SLC12A2: variants seen among roughly 807,000 people sequenced by gnomAD.
SLC12A2 encodes the protein solute carrier family 12 member 2.
A neutral mutation model predicts 136.3 loss-of-function variants in SLC12A2; 67 were observed. That is an observed-to-expected ratio of 0.49 (90% CI 0.40 to 0.60). The LOEUF (loss-of-function observed/expected upper bound fraction) is 0.60. SLC12A2 is among the 20% of genes least tolerant of loss of function. The pLI is 0.00. For missense variants in SLC12A2, 1,322 were observed against 1,534.7 expected (o/e 0.86, Z 2.32); for synonymous variants, 619 against 562.9 (o/e 1.10, Z -1.41).
chr5:128,159,356 T>A (rs1196001855), intron 16 of SLC12A2, among the ~76,000 whole-genome samples: 1 of 152,156 alleles, frequency 6.6e-6, no homozygotes, highest in Non-Finnish European at 1.5e-5. Flanking sequence ...ACAGACTTCA[T>A]GACTAAAACA....
intron 4 of SLC12A2, among the ~76,000 whole-genome samples, chr5:128,125,617 A>G (rs1326419002): frequency 6.6e-6 from 1 of 150,782 alleles, no homozygotes; most frequent in African/African-American, 2.4e-5. Context: ...CATTTTTATC[A>G]TTTTCTTAAT....
intron 1 of SLC12A2, among the ~76,000 whole-genome samples, chr5:128,087,353 A>G (rs1333651979): frequency 6.6e-6 from 1 of 152,240 alleles, no homozygotes; most frequent in Non-Finnish European, 1.5e-5. Context: ...GACAGACATT[A>G]ACAAAGTAGT....
At chr5:128,114,904 G>GAAT (rs1414287683) in intron 4 of SLC12A2, among the ~76,000 whole-genome samples, 2 of 152,140 alleles carry the variant, frequency 1.3e-5, no homozygotes, top group Admixed American at 1.3e-4. Context: ...CTCGTAGCAA[G>GAAT]AATGGAGCAT....
At chr5:128,165,048 G>A (rs1032347302) in intron 17 of SLC12A2, among the ~76,000 whole-genome samples, 1 of 151,876 alleles carries the variant, frequency 6.6e-6, no homozygotes, top group Non-Finnish European at 1.5e-5. Context: ...TCACCATGTT[G>A]CTCAGGCTGG....
chr5:128,110,151 A>G (rs1761089976), intron 1 of SLC12A2: 2 of 859,464 alleles, frequency 2.3e-6, no homozygotes, highest in Admixed American at 1.7e-5. Flanking sequence ...TTCTTTGACT[A>G]GAAAGGTGAA....
chr5:128,170,468 C>T (rs1042641633), intron 18 of SLC12A2: 1 of 152,102 alleles, frequency 6.6e-6, no homozygotes, highest in African/African-American at 2.4e-5. Context: ...CACATTCTTC[C>T]ATTTGTCAGT....
chr5:128,110,217 AAAAG>A (rs1336557787), intron 1 of SLC12A2: 2 of 809,614 alleles, frequency 2.5e-6, no homozygotes, highest in Admixed American at 1.7e-5. Flanking sequence ...GCTTTGGAAA[AAAAG>A]AAATCCAATT....
At chr5:128,121,611 T>G (rs957950262) in intron 4 of SLC12A2, among the ~76,000 whole-genome samples, 3 of 152,100 alleles carry the variant, frequency 2.0e-5, no homozygotes, top group East Asian at 1.9e-4. Context: ...CTTGAGACAC[T>G]GCGCCCGGCT....
intron 1 of SLC12A2, among the ~76,000 whole-genome samples, chr5:128,104,733 T>C (rs957413998): frequency 9.9e-5 from 15 of 151,858 alleles, no homozygotes; most frequent in Admixed American, 5.9e-4. Context: ...TTCTGGACAC[T>C]ATAGCAATTC....
intron 11 of SLC12A2, among the ~76,000 whole-genome samples, 156 bp downstream of exon 11, chr5:128,147,885 T>C (rs1022434730): frequency 3.5e-5 from 5 of 143,970 alleles, no homozygotes; most frequent in Non-Finnish European, 6.0e-5. Context: ...TAGTTAATTT[T>C]ATATGTGTGA....
intron 1 of SLC12A2, among the ~76,000 whole-genome samples, chr5:128,098,688 G>A (rs1760634251): frequency 6.6e-6 from 1 of 151,750 alleles, no homozygotes; most frequent in East Asian, 1.9e-4. Flanking sequence ...TCAAACTGCA[G>A]ACTTTCCACC....
rs549500877 is a variant in SLC12A2 at position 128,114,462 on chromosome 5, G to C, written c.953-124G>C. On this transcript the variant is annotated intron_variant, in intron 3 of 26. Transcript: ENST00000262461. Reference sequence around the variant, plus strand: ...TTCTGATTTGGTTTTTATAAAATGAGATCAAAATTGGGTAATTTATAACTT... The same window carrying C: ...TTCTGATTTGGTTTTTATAAAATGACATCAAAATTGGGTAATTTATAACTT... The C allele has an allele frequency of 9.7e-6, 8 of 823,666 alleles. No individual in the cohort carries two copies. The African/African-American group carries it at 1.4e-4, about 14-fold the overall frequency. 51.0% of individuals were successfully genotyped at this position (823,666 alleles called of 1,614,324 possible). A position where few individuals can be genotyped will look rare whatever the true frequency, so the allele number is the denominator to read the frequency against.
chr5:128,109,500 G>T, intron 1 of SLC12A2: 1 of 563,696 alleles, frequency 1.8e-6, no homozygotes, highest in Admixed American at 2.5e-5. Context: ...TTAGCATTTT[G>T]CTGCTTTATT....
intron 1 of SLC12A2, chr5:128,111,131 T>TA (rs1761128372): frequency 2.4e-6 from 1 of 422,440 alleles, no homozygotes; most frequent in Non-Finnish European, 4.4e-6. Context: ...CGTTTCTACT[T>TA]ATGCAGTATT....
At chr5:128,099,511 A>G (rs1263410338) in intron 1 of SLC12A2, among the ~76,000 whole-genome samples, 5 of 152,176 alleles carry the variant, frequency 3.3e-5, no homozygotes, top group Admixed American at 6.5e-5. Context: ...ATATTTTTCA[A>G]TAATAAATTA....
chr5:128,135,590 G>T (rs1762161270), intron 6 of SLC12A2, 110 bp from the exon 7 acceptor site: 1 of 724,440 alleles, frequency 1.4e-6, no homozygotes. Flanking sequence ...GGGGAATCAG[G>T]CAAAACAAGA....
chr5:128,114,721 C>G, intron 4 of SLC12A2, 40 bp downstream of exon 4: 1 of 1,182,180 alleles, frequency 8.5e-7, no homozygotes, highest in Admixed American at 1.7e-5. Flanking sequence ...TCAGATTACT[C>G]TTACTAAACA....
At chr5:128,086,001 T>G (rs1003966049) in intron 1 of SLC12A2, among the ~76,000 whole-genome samples, 1 of 152,246 alleles carries the variant, frequency 6.6e-6, no homozygotes, top group Non-Finnish European at 1.5e-5. Flanking sequence ...TCAAGTCTAT[T>G]CTTTTTTCTT....
In SLC12A2 at chr5:128,188,736, A is replaced by T. The variant is rs1763946204; in HGVS notation, c.*2105A>T. On this transcript the variant is annotated 3_prime_UTR_variant, in exon 27 of 27. Coordinates refer to ENST00000262461, the MANE Select transcript of SLC12A2 (RefSeq NM_001046.3). ...AGAAAATGAAGTAACTGATTTTCTA[A>T]AAAAAAAAAAAAAAAAAATTTCTAC... 3.3e-5 allele frequency: 1 copy of T among 30,516 alleles called. No individual in the cohort carries two copies. Among genetic ancestry groups the T allele is most frequent in the Non-Finnish European group, 7.9e-5 (1 of 12,632 alleles). The allele number at this position is 30,516 out of a possible 1,614,324, so 1.9% of individuals were successfully genotyped here.
Sources: allele counts gnomAD v4.1 joint callset (sites outside exome capture counted in the v4.1 genomes callset), GRCh38; gene constraint gnomAD v4.1.1; transcripts MANE v1.5; gene names NCBI Gene and HGNC (gene_info 2026-07-23, HGNC 2026-07-21).